Variants in RNF130 observed in about 807,000 individuals in gnomAD.
RNF130 encodes E3 ubiquitin-protein ligase RNF130.
Under a neutral mutation model 44.6 loss-of-function variants are expected in RNF130, and 21 were observed. The observed-to-expected ratio is 0.47, with a 90% confidence interval of 0.33 to 0.68. The LOEUF (loss-of-function observed/expected upper bound fraction) is 0.68, where lower values mean the gene tolerates loss of function less well. Among genes scored for constraint, RNF130 ranks in the 30% least tolerant of loss-of-function variants. RNF130 has a pLI of 0.02. For synonymous variants in RNF130, 214 were observed against 210.4 expected (o/e 1.02, Z -0.15); for missense variants, 479 against 560.6 (o/e 0.85, Z 1.47).
At chr5:179,953,801 C>T (rs967332473), downstream of RNF130, among the ~76,000 whole-genome samples, 4 of 152,160 alleles carry the variant, frequency 2.6e-5, no homozygotes, top group Admixed American at 2.6e-4. Context: ...TTGAAAGACA[C>T]TACCAAGAAA....
intron 5 of RNF130, among the ~76,000 whole-genome samples, chr5:179,971,777 G>A (rs1357950117): frequency 6.6e-6 from 1 of 152,176 alleles, no homozygotes; most frequent in East Asian, 1.9e-4. Context: ...GTTTAAAAAT[G>A]CAGTTTTGAT....
chr5:180,003,096 T>C (rs1301612409), intron 3 of RNF130, among the ~76,000 whole-genome samples: 3 of 152,094 alleles, frequency 2.0e-5, no homozygotes, highest in Admixed American at 1.3e-4. Context: ...GGGTCTCTAA[T>C]ATTTCAGAGA....
At chr5:179,946,597 A>G (rs557241738) in intron 7 of RNF130, among the ~76,000 whole-genome samples, 55 of 143,436 alleles carry the variant, frequency 3.8e-4, no homozygotes, top group Non-Finnish European at 6.6e-4. Flanking sequence ...TCTGTCGCCC[A>G]GGCTGGAGTG....
intron 7 of RNF130, among the ~76,000 whole-genome samples, chr5:179,928,154 G>A (rs1012545288): frequency 6.6e-6 from 1 of 152,102 alleles, no homozygotes; most frequent in Non-Finnish European, 1.5e-5. Flanking sequence ...AGGGACACTT[G>A]TTTCTGTGAG....
intron 1 of RNF130, among the ~76,000 whole-genome samples, chr5:180,050,238 A>C (rs895431924): frequency 6.6e-6 from 1 of 152,200 alleles, no homozygotes; most frequent in Non-Finnish European, 1.5e-5. Context: ...CTGCAGGGTG[A>C]GCTGGCAGGC....
intron 7 of RNF130, among the ~76,000 whole-genome samples, chr5:179,944,613 A>AT (rs890730221): frequency 7.8e-4 from 117 of 150,188 alleles, no homozygotes; most frequent in African/African-American, 2.2e-3. Context: ...GCCTGGCTAA[A>AT]TTTTTTTTTT....
intron 5 of RNF130, among the ~76,000 whole-genome samples, chr5:179,970,718 T>C (rs188082696): frequency 6.6e-6 from 1 of 152,342 alleles, no homozygotes; most frequent in East Asian, 1.9e-4. Context: ...GTGTAAGAAC[T>C]GCTAAGTAGG....
intron 7 of RNF130, chr5:179,933,709 G>C: frequency 3.0e-6 from 1 of 329,270 alleles, no homozygotes; most frequent in Non-Finnish European, 5.7e-6. Context: ...TTTTTGTAGA[G>C]ATGGAATTTC....
At chr5:179,966,677 C>T (rs1379498771) in intron 7 of RNF130, 129 bp downstream of exon 7, 2 of 736,964 alleles carry the variant, frequency 2.7e-6, no homozygotes, top group South Asian at 3.5e-5. Context: ...GTTTTAACAG[C>T]AACACACATC....
intron 3 of RNF130, among the ~76,000 whole-genome samples, chr5:180,008,840 T>C (rs1028237113): frequency 3.3e-5 from 5 of 151,540 alleles, no homozygotes; most frequent in Non-Finnish European, 7.4e-5. Flanking sequence ...GCTGAGATCG[T>C]ATCACTGCAC....
intron 2 of RNF130, among the ~76,000 whole-genome samples, chr5:180,029,994 T>C (rs1316082639): frequency 6.6e-6 from 1 of 151,522 alleles, no homozygotes; most frequent in Non-Finnish European, 1.5e-5. Flanking sequence ...ACTATAGGTG[T>C]GTACCACCAC....
At chr5:180,006,514 T>C (rs763714758) in intron 3 of RNF130, among the ~76,000 whole-genome samples, 2 of 152,224 alleles carry the variant, frequency 1.3e-5, no homozygotes, top group African/African-American at 2.4e-5. Context: ...AAGAATATTA[T>C]ATACACATGT....
At chr5:180,042,976 A>G (rs1764461326) in intron 1 of RNF130, among the ~76,000 whole-genome samples, 1 of 152,202 alleles carries the variant, frequency 6.6e-6, no homozygotes, top group South Asian at 2.1e-4. Context: ...ATTTATAAAG[A>G]TTTAGATAGT....
At position 180,035,245 on chromosome 5, in the gene RNF130, A is replaced by T. The variant is rs535156654; in HGVS notation, c.442+5208T>A. 2.0e-4 allele frequency among the ~76,000 whole-genome samples: 31 copies of T among 152,272 alleles called. 1 individual carries two copies. Among genetic ancestry groups the T allele is most frequent in the Admixed American group, 1.9e-3 (29 of 15,282 alleles). ...GTGTTTTCATTTTCGTTTGGTTCCA[A>T]ATGTTTTTAAAATTTCCTTTTGAAT... On this transcript the variant is annotated intron_variant, in intron 2 of 8. Transcript: ENST00000521389.
intron 1 of RNF130, among the ~76,000 whole-genome samples, chr5:180,064,181 C>T (rs1765046456): frequency 6.6e-6 from 1 of 152,186 alleles, no homozygotes; most frequent in South Asian, 2.1e-4. Context: ...ATTTCAGAGT[C>T]TCCTGAAATA....
intron 2 of RNF130, among the ~76,000 whole-genome samples, chr5:180,032,690 A>C (rs1001072509): frequency 3.3e-5 from 5 of 152,234 alleles, no homozygotes; most frequent in African/African-American, 1.2e-4. Context: ...CCACTGATCT[A>C]TATGCCTGTC....
At chr5:179,946,449 C>T (rs1356050237) in intron 7 of RNF130, among the ~76,000 whole-genome samples, 1 of 152,230 alleles carries the variant, frequency 6.6e-6, no homozygotes, top group East Asian at 1.9e-4. Flanking sequence ...ATAAAAAAAA[C>T]TTTAAGGTAA....
At chr5:180,023,884 A>T (rs1763929925) in intron 2 of RNF130, among the ~76,000 whole-genome samples, 1 of 152,238 alleles carries the variant, frequency 6.6e-6, no homozygotes, top group African/African-American at 2.4e-5. Flanking sequence ...GGGGGAAAAG[A>T]GTTAACTTCA....
intron 8 of RNF130, among the ~76,000 whole-genome samples, chr5:179,956,831 G>C (rs1239989705): frequency 1.3e-5 from 2 of 152,218 alleles, no homozygotes; most frequent in Non-Finnish European, 2.9e-5. Flanking sequence ...GGCCAGACCA[G>C]GTCTCCATTA....
Sources: allele counts gnomAD v4.1 joint callset (sites outside exome capture counted in the v4.1 genomes callset), GRCh38; gene constraint gnomAD v4.1.1; transcripts MANE v1.5; gene names NCBI Gene and HGNC (gene_info 2026-07-23, HGNC 2026-07-21).